The following TARS2 variants were observed in gnomAD, a reference collection of about 807,000 sequenced individuals.
The protein encoded by TARS2 is threonine--tRNA ligase, mitochondrial.
TARS2 carries 61 observed loss-of-function variants against 94.4 expected under a neutral mutation model. That is an observed-to-expected ratio of 0.65 (90% confidence interval 0.53 to 0.80). The LOEUF (loss-of-function observed/expected upper bound fraction) is 0.80, where lower values mean the gene tolerates loss of function less well. Among genes scored for constraint, TARS2 ranks in the 30% least tolerant of loss-of-function variants. TARS2 has a pLI of 0.00. For missense variants in TARS2, 704 were observed against 902.5 expected (o/e 0.78, Z 2.82); for synonymous variants, 359 against 353.4 (o/e 1.02, Z -0.18).
At chr1:150,494,116 A>C (rs1431106585) in intron 7 of TARS2, among the ~76,000 whole-genome samples, 1 of 152,236 alleles carries the variant, frequency 6.6e-6, no homozygotes, top group Non-Finnish European at 1.5e-5. Context: ...CTGTAATCCC[A>C]GCACTTTGGG....
chr1:150,499,029 G>A lies in TARS2; in HGVS notation c.1534G>A (p.Glu512Lys), dbSNP rs776799586. The A allele has an allele frequency of 5.7e-5, 92 of 1,614,042 alleles. No homozygotes were observed. Among genetic ancestry groups the A allele is most frequent in the Middle Eastern group, 1.6e-4 (1 of 6,084 alleles). The change falls in exon 12 of 18, where the codon GAA (glutamate) becomes AAA (lysine). Residue 512 changes from glutamate to lysine, a missense_variant. Glu to Lys is a moderately conservative substitution (Grantham distance 56, BLOSUM62 1). Transcript: ENST00000369064. ...LGDPCLWDQA[E>K]QVLKQALKEF... ...GGACCCTTGCCTTTGGGACCAGGCC[G>A]AACAGGTGAGTAGGAGGTAGAGAAA...
rs1317630227 is a variant in TARS2, at chr1:150,498,651, G to A, written c.1388G>A (p.Cys463Tyr). The A allele has an allele frequency of 6.2e-7, 1 of 1,613,484 alleles. No homozygotes were observed. Among genetic ancestry groups the A allele is most frequent in the Non-Finnish European group, 8.5e-7 (1 of 1,179,840 alleles). ...CFQQDDAHIFCTTDQLEAEIQ... is the reference protein window; with the variant it reads ...CFQQDDAHIFYTTDQLEAEIQ... ...CAGCAGGATGACGCTCACATCTTCTGTACAACAGATCAGGTGGCCTTTCCC... is the reference window on the plus strand; with the variant it reads ...CAGCAGGATGACGCTCACATCTTCTATACAACAGATCAGGTGGCCTTTCCC... Residue 463 changes from cysteine (C) to tyrosine (Y), a missense_variant, in exon 11 of 18, where the codon TGT (cysteine) becomes TAT (tyrosine). Physicochemically the swap from Cys to Tyr is radical, Grantham distance 194. This residue lies in a region of TARS2 where 466 missense variants were observed against 609.5 expected (regional missense o/e 0.76). Coordinates refer to ENST00000369064, the MANE Select transcript of TARS2 (RefSeq NM_025150.5).
rs755138526 is a variant in TARS2, at chr1:150,487,429, G to GTAGGCC, written c.-17_-16insCTAGGC. The GTAGGCC allele has an allele frequency of 1.9e-6, 3 of 1,614,062 alleles. No individual in the cohort carries two copies. In the East Asian group the frequency reaches 6.7e-5, roughly 36 times the overall value. ...AAGCGGCGATAATCTGTTTGAGGAT[G>GTAGGCC]TAGGCACTGGTGTGAAGGAACATGG... On this transcript the variant is annotated 5_prime_UTR_variant, in exon 1 of 18. Coordinates refer to ENST00000369064, the MANE Select transcript of TARS2 (RefSeq NM_025150.5).
intron 6 of TARS2, 100 bp from the exon 7 acceptor site, chr1:150,492,311 C>G: frequency 7.9e-7 from 1 of 1,264,758 alleles, no homozygotes; most frequent in Non-Finnish European, 1.1e-6. Flanking sequence ...TAGGACAGTT[C>G]CTTTCTCTTC....
At position 150,487,455 on chromosome 1, in the gene TARS2, C is replaced by T. The variant is rs750384060; in HGVS notation, c.5C>T (p.Ala2Val). The change falls in exon 1 of 18, where the codon GCC becomes GTC. Residue 2 changes from alanine (A) to valine (V), a missense_variant. By Grantham distance (64) the Ala-to-Val change is moderately conservative (BLOSUM62 0). Around this residue, in one of 3 missense-constraint regions of TARS2, gnomAD observed 208 missense variants for 228.5 expected, o/e 0.91. Transcript: ENST00000369064. M[A>V]LYQRWRCLRL... Reference sequence around the variant, plus strand: ...TAGGCACTGGTGTGAAGGAACATGGCCCTGTATCAGAGGTGGCGGTGTCTC... The same window carrying T: ...TAGGCACTGGTGTGAAGGAACATGGTCCTGTATCAGAGGTGGCGGTGTCTC... The T allele has an allele frequency of 1.4e-5, 23 of 1,614,072 alleles. 1 individual carries two copies. Among genetic ancestry groups the T allele is most frequent in the East Asian group, 4.5e-5 (2 of 44,894 alleles).
intron 13 of TARS2, among the ~76,000 whole-genome samples, chr1:150,503,677 ATATAT>A (rs1670062136): frequency 6.7e-6 from 1 of 148,982 alleles, no homozygotes; most frequent in African/African-American, 2.5e-5. Flanking sequence ...ATATGTGTGT[ATATAT>A]GTGTATATAT....
chr1:150,505,536 C>T, intron 16 of TARS2, 55 bp from the exon 17 acceptor site: 1 of 1,477,046 alleles, frequency 6.8e-7, no homozygotes, highest in Non-Finnish European at 9.5e-7. Context: ...TCAGACTGTT[C>T]TAGCTCCTTA....
chr1:150,504,771 A>G, intron 15 of TARS2, 38 bp downstream of exon 15: 1 of 1,612,590 alleles, frequency 6.2e-7, no homozygotes, highest in South Asian at 1.1e-5. Flanking sequence ...CTGGCCCCAA[A>G]CCGGATAGTT....
At chr1:150,487,584 A>T in intron 1 of TARS2, 68 bp downstream of exon 1, 1 of 1,601,816 alleles carries the variant, frequency 6.2e-7, no homozygotes, top group Non-Finnish European at 8.5e-7. Context: ...CCAAATTTTT[A>T]TGTTAACCCA....
intron 13 of TARS2, among the ~76,000 whole-genome samples, chr1:150,503,545 A>ATG (rs368609900): frequency 0.34 from 32,649 of 94,936 alleles, 4,316 homozygotes; most frequent in East Asian, 0.65. Flanking sequence ...AAATACACAT[A>ATG]TGTGTGTGTG....
At chr1:150,499,342 G>C (rs749434640) in intron 13 of TARS2, 49 bp downstream of exon 13, 2 of 1,564,026 alleles carry the variant, frequency 1.3e-6, no homozygotes, top group South Asian at 1.2e-5. Context: ...TTTTTGCTTT[G>C]TTTTAGTAAA....
At chr1:150,497,149 G>A (rs1669699607) in intron 9 of TARS2, among the ~76,000 whole-genome samples, 1 of 152,138 alleles carries the variant, frequency 6.6e-6, no homozygotes, top group Non-Finnish European at 1.5e-5. Flanking sequence ...TAGCCAGTGT[G>A]GTGGCAGCGC....
intron 13 of TARS2, among the ~76,000 whole-genome samples, chr1:150,500,137 A>C (rs1669847360): frequency 6.6e-6 from 1 of 151,938 alleles, no homozygotes; most frequent in Non-Finnish European, 1.5e-5. Context: ...ATTGCGCCCC[A>C]CTGCACTCCA....
chr1:150,490,703 G>T lies in TARS2; in HGVS notation c.490G>T (p.Asp164Tyr), dbSNP rs780666840. ...AAGTACAGAATATGGCTTTTACCAT[G>T]ATTTCTTCCTGGGAAAGGAGAGGTG... is the stretch of plus-strand genomic sequence containing the variant. ...GPSTEYGFYH[D>Y]FFLGKERTIR... is the part of the protein sequence containing the mutation. The change falls in exon 4 of 18, where the codon GAT becomes TAT. Residue 164 changes from aspartate to tyrosine, a missense_variant. This residue lies in a region of TARS2 where 208 missense variants were observed against 228.5 expected (regional missense o/e 0.91). Transcript: ENST00000369064. 31 of 1,613,674 alleles carry T rather than the reference G, an allele frequency of 1.9e-5. No homozygotes were observed. The highest frequency in any genetic ancestry group is 2.7e-5 in the African/African-American group (2 of 74,888).
intron 13 of TARS2, among the ~76,000 whole-genome samples, chr1:150,503,571 G>GTA (rs1228909717): frequency 1.2e-5 from 1 of 86,746 alleles, no homozygotes; most frequent in Non-Finnish European, 2.5e-5. Context: ...GTGTGTGTGT[G>GTA]TGTGTGTATA....
At chr1:150,498,866 C>T (rs1669786529) in intron 11 of TARS2, 31 bp from the exon 12 acceptor site, 1 of 1,613,824 alleles carries the variant, frequency 6.2e-7, no homozygotes, top group Non-Finnish European at 8.5e-7. Flanking sequence ...AGCGGGCTCA[C>T]AGCTCACTGA....
chr1:150,489,355 C>T (rs1032650401), intron 3 of TARS2: 1 of 427,840 alleles, frequency 2.3e-6, no homozygotes, highest in South Asian at 2.1e-5. Context: ...TAAATTCAGC[C>T]CCCTCAACTC....
At position 150,491,598 on chromosome 1, in the gene TARS2, G is replaced by C; in HGVS notation, c.631G>C (p.Asp211His). 1 of 1,614,060 alleles carries C rather than the reference G, an allele frequency of 6.2e-7. No homozygotes were observed. Among genetic ancestry groups the C allele is most frequent in the South Asian group, 1.1e-5 (1 of 91,066 alleles). ...CAATCTCCCTTCTACCTTTTTCCAG[G>C]ATAACCCCTTTAAGCTTCACTTGAT... Reference protein sequence around the residue: ...SRDQLRQLFKDNPFKLHLIEE... With the variant: ...SRDQLRQLFKHNPFKLHLIEE... The change falls in exon 6 of 18, where the codon GAT (aspartate) becomes CAT (histidine). Residue 211 changes from aspartate to histidine, a missense_variant and splice_region_variant. Asp to His is a moderately conservative substitution (Grantham distance 81, BLOSUM62 -1). Around this residue, in one of 3 missense-constraint regions of TARS2, gnomAD observed 30 missense variants for 64.5 expected, o/e 0.47. Transcript: ENST00000369064.
intron 7 of TARS2, among the ~76,000 whole-genome samples, chr1:150,494,457 C>T (rs1390959402): frequency 2.0e-5 from 3 of 151,262 alleles, no homozygotes; most frequent in Non-Finnish European, 4.4e-5. Context: ...TACAGACTGT[C>T]GGCCAGGTGC....
Sources: allele counts gnomAD v4.1 joint callset (sites outside exome capture counted in the v4.1 genomes callset), GRCh38; gene constraint gnomAD v4.1.1; regional missense constraint gnomAD v4.1.1; transcripts MANE v1.5; gene names NCBI Gene and HGNC (gene_info 2026-07-23, HGNC 2026-07-21).